Variants in DCC observed in about 807,000 individuals in gnomAD.
DCC encodes the protein netrin receptor DCC.
In DCC, 58 loss-of-function variants were observed where a neutral mutation model predicts 172.5. The ratio of observed to expected loss-of-function variants is 0.34; its 90% CI spans 0.27 to 0.42. The LOEUF (loss-of-function observed/expected upper bound fraction) is 0.42, where lower values mean the gene tolerates loss of function less well. Among genes scored for constraint, DCC ranks in the 10% least tolerant of loss-of-function variants. DCC has a pLI of 1.00. For synonymous variants in DCC, 709 were observed against 644.5 expected (o/e 1.10, Z -1.52); for missense variants, 1,740 against 1,791.0 (o/e 0.97, Z 0.51).
At chr18:53,355,061 G>T (rs1053888938) in intron 15 of DCC, among the ~76,000 whole-genome samples, 40 of 151,906 alleles carry the variant, frequency 2.6e-4, no homozygotes, top group African/African-American at 9.0e-4. Flanking sequence ...TTTTTGTCAG[G>T]TTTGTCTAAG....
intron 7 of DCC, among the ~76,000 whole-genome samples, chr18:53,087,117 A>G (rs1442027777): frequency 6.6e-6 from 1 of 152,178 alleles, no homozygotes; most frequent in East Asian, 1.9e-4. Flanking sequence ...GTATATACCC[A>G]GCAATGGGAT....
chr18:52,642,177 TGG>T, intron 1 of DCC, among the ~76,000 whole-genome samples: 1 of 151,832 alleles, frequency 6.6e-6, no homozygotes, highest in Non-Finnish European at 1.5e-5. Context: ...TGCGGTGACC[TGG>T]ATGAGATTGG....
intron 22 of DCC, among the ~76,000 whole-genome samples, chr18:53,446,786 G>A (rs977501730): frequency 2.0e-5 from 3 of 152,032 alleles, no homozygotes; most frequent in African/African-American, 7.2e-5. Context: ...TCTCGTTTCA[G>A]CCCCCATACT....
intron 5 of DCC, among the ~76,000 whole-genome samples, chr18:53,037,218 C>T (rs993745003): frequency 1.3e-5 from 2 of 151,940 alleles, no homozygotes; most frequent in African/African-American, 4.8e-5. Context: ...TCTTTGTGTT[C>T]TAATTTAGAT....
At chr18:53,247,800 G>A (rs1268426949) in intron 12 of DCC, among the ~76,000 whole-genome samples, 2 of 151,912 alleles carry the variant, frequency 1.3e-5, no homozygotes, top group Non-Finnish European at 2.9e-5. Context: ...AGAAGTTGAA[G>A]CTTCCTTTAA....
intron 12 of DCC, among the ~76,000 whole-genome samples, chr18:53,277,793 A>G (rs1568407747): frequency 6.6e-6 from 1 of 152,164 alleles, no homozygotes; most frequent in Non-Finnish European, 1.5e-5. Context: ...CAGCCAGGTG[A>G]AACTCTGGGT....
chr18:52,638,942 C>A (rs2034837471), intron 1 of DCC, among the ~76,000 whole-genome samples: 1 of 151,868 alleles, frequency 6.6e-6, no homozygotes, highest in African/African-American at 2.4e-5. Flanking sequence ...CCAAGATAGA[C>A]CATATGACAG....
chr18:52,461,483 G>T (rs190107550), intron 1 of DCC, among the ~76,000 whole-genome samples: 1 of 151,588 alleles, frequency 6.6e-6, no homozygotes, highest in African/African-American at 2.4e-5. Context: ...TCATTATCAC[G>T]TATTATATAC....
intron 19 of DCC, among the ~76,000 whole-genome samples, chr18:53,408,206 A>G (rs1909783715): frequency 6.6e-6 from 1 of 152,170 alleles, no homozygotes; most frequent in South Asian, 2.1e-4. Context: ...GTTGTATAGC[A>G]ATATTATCAC....
intron 1 of DCC, among the ~76,000 whole-genome samples, chr18:52,621,299 C>T (rs1207937343): frequency 1.3e-5 from 2 of 152,198 alleles, no homozygotes; most frequent in Non-Finnish European, 2.9e-5. Context: ...AGCTGCTTAA[C>T]ACACACAGCT....
chr18:52,736,651 T>G (rs770584253), intron 1 of DCC, among the ~76,000 whole-genome samples: 1 of 152,172 alleles, frequency 6.6e-6, no homozygotes, highest in East Asian at 1.9e-4. Context: ...TAATTATAGT[T>G]TTTAAAATTA....
chr18:52,938,902 G>C (rs1367566650), intron 5 of DCC, among the ~76,000 whole-genome samples: 1 of 151,104 alleles, frequency 6.6e-6, no homozygotes, highest in Non-Finnish European at 1.5e-5. Context: ...TCATAACCTG[G>C]ACCAGTCCTA....
intron 24 of DCC, among the ~76,000 whole-genome samples, chr18:53,462,277 G>A (rs1444042359): frequency 3.9e-5 from 6 of 152,092 alleles, no homozygotes; most frequent in Non-Finnish European, 7.4e-5. Flanking sequence ...GGGCAAAAGA[G>A]CAAAGCTTCA....
intron 7 of DCC, among the ~76,000 whole-genome samples, chr18:53,073,851 G>A (rs890587171): frequency 5.3e-5 from 8 of 151,114 alleles, no homozygotes; most frequent in African/African-American, 1.9e-4. Context: ...AATATAAGAA[G>A]AATACCTAGA....
chr18:53,521,494 A>T (rs976314139), intron 27 of DCC, among the ~76,000 whole-genome samples: 4 of 152,264 alleles, frequency 2.6e-5, no homozygotes, highest in African/African-American at 7.2e-5. Flanking sequence ...ATTTCTCTGC[A>T]TGTAAAACTG....
intron 1 of DCC, among the ~76,000 whole-genome samples, chr18:52,447,733 G>A (rs1988169371): frequency 6.6e-6 from 1 of 152,062 alleles, no homozygotes; most frequent in Non-Finnish European, 1.5e-5. Flanking sequence ...AGGTAAAGGG[G>A]GAGCAGGCAC....
chr18:52,794,892 A>G (rs28790622), intron 2 of DCC, among the ~76,000 whole-genome samples: 7,408 of 151,994 alleles, frequency 0.049, 248 homozygotes, highest in South Asian at 0.16. Context: ...AGATCATATG[A>G]TTTTTGTCCC....
intron 12 of DCC, among the ~76,000 whole-genome samples, chr18:53,295,514 A>T (rs1441437669): frequency 4.6e-5 from 7 of 151,622 alleles, no homozygotes; most frequent in African/African-American, 1.4e-4. Flanking sequence ...TGTTTTCAGG[A>T]TCTATAGAAA....
At chr18:52,858,411 A>G (rs929497401) in intron 2 of DCC, among the ~76,000 whole-genome samples, 1 of 152,084 alleles carries the variant, frequency 6.6e-6, no homozygotes, top group Non-Finnish European at 1.5e-5. Flanking sequence ...TTAGGAGGAG[A>G]TTTTATTTGG....
Sources: gnomAD v4.1 joint callset for allele counts (sites outside exome capture counted in the v4.1 genomes callset) on GRCh38, gnomAD v4.1.1 for gene constraint, MANE v1.5 for transcripts, NCBI Gene and HGNC (gene_info 2026-07-23, HGNC 2026-07-21) for gene names.